The following NELL1 variants were observed in gnomAD, a reference collection of about 807,000 sequenced individuals.
The protein encoded by NELL1 is neural EGFL like 1, also known as protein kinase C-binding protein NELL1.
NELL1 carries 76 observed loss-of-function variants against 107.4 expected under a neutral mutation model. That is an observed-to-expected ratio of 0.71 (90% CI 0.59 to 0.86). NELL1 has a LOEUF of 0.86. Among genes scored for constraint, NELL1 ranks in the 40% least tolerant of loss-of-function variants. The pLI is 0.00. For missense variants in NELL1, 1,024 were observed against 1,005.5 expected (o/e 1.02, Z -0.25); for synonymous variants, 353 against 341.2 (o/e 1.03, Z -0.38).
chr11:20,691,010 G>T (rs915673017), intron 2 of NELL1, among the ~76,000 whole-genome samples: 1 of 152,022 alleles, frequency 6.6e-6, no homozygotes, highest in African/African-American at 2.4e-5. Context: ...TCCCTTTTAA[G>T]TTGGATTCCT....
intron 12 of NELL1, among the ~76,000 whole-genome samples, chr11:21,112,121 G>C (rs1357073472): frequency 6.6e-6 from 1 of 151,990 alleles, no homozygotes; most frequent in African/African-American, 2.4e-5. Flanking sequence ...TGGCCTGCAG[G>C]AAGTTGATTG....
chr11:20,681,731 T>G (rs1007396223), intron 2 of NELL1, among the ~76,000 whole-genome samples: 1 of 152,038 alleles, frequency 6.6e-6, no homozygotes, highest in Non-Finnish European at 1.5e-5. Flanking sequence ...AAAAAGAGAT[T>G]TATGGGGCTA....
At chr11:21,391,558 T>C (rs1057463575) in intron 15 of NELL1, among the ~76,000 whole-genome samples, 3 of 151,802 alleles carry the variant, frequency 2.0e-5, no homozygotes, top group African/African-American at 7.2e-5. Context: ...ATTTTTTTCT[T>C]TTTGTGGGGT....
intron 14 of NELL1, among the ~76,000 whole-genome samples, chr11:21,246,848 C>A (rs1858505609): frequency 6.6e-6 from 1 of 152,070 alleles, no homozygotes; most frequent in South Asian, 2.1e-4. Flanking sequence ...GGTGGCAAGC[C>A]AGAGAGGAGA....
intron 12 of NELL1, among the ~76,000 whole-genome samples, chr11:21,044,729 A>G (rs1436411360): frequency 6.6e-6 from 1 of 152,152 alleles, no homozygotes; most frequent in Non-Finnish European, 1.5e-5. Context: ...GGATGCAGGT[A>G]GGAGTGTTGA....
At chr11:20,799,507 C>CT (rs1857239534) in intron 3 of NELL1, among the ~76,000 whole-genome samples, 1 of 152,284 alleles carries the variant, frequency 6.6e-6, no homozygotes, top group African/African-American at 2.4e-5. Context: ...AATGCACACA[C>CT]TTTTTTTCTA....
chr11:21,525,383 C>T (rs186796268), intron 15 of NELL1, among the ~76,000 whole-genome samples: 203 of 152,258 alleles, frequency 1.3e-3, no homozygotes, highest in Non-Finnish European at 2.4e-3. Flanking sequence ...GTTGACTTTG[C>T]GGAGATTGTT....
At chr11:21,253,834 G>A (rs995164745) in intron 14 of NELL1, among the ~76,000 whole-genome samples, 1 of 152,104 alleles carries the variant, frequency 6.6e-6, no homozygotes, top group Non-Finnish European at 1.5e-5. Context: ...TTATAATTTT[G>A]TGAGGGCTAT....
intron 11 of NELL1, among the ~76,000 whole-genome samples, chr11:20,950,916 A>G (rs1242865223): frequency 2.6e-5 from 4 of 152,224 alleles, no homozygotes; most frequent in African/African-American, 9.6e-5. Context: ...AGGCCTTTCA[A>G]TTAGCATATT....
rs552934674 is a variant in NELL1, at chr11:21,162,033, C to T, written c.1426+48319C>T. On this transcript the variant is annotated intron_variant, in intron 13 of 19. Transcript: ENST00000357134. ...TGGTGCAATCTCAGCTCACTTCACC[C>T]TCCACCTCCCAGGTTCAAGTGATTT... Among the ~76,000 whole-genome samples the T allele has an allele frequency of 2.1e-5, 3 of 145,914 alleles. No homozygotes were observed. In the East Asian group the frequency reaches 6.0e-4, roughly 29 times the overall value.
intron 2 of NELL1, among the ~76,000 whole-genome samples, chr11:20,697,756 T>C (rs1271833070): frequency 6.6e-6 from 1 of 152,144 alleles, no homozygotes; most frequent in Non-Finnish European, 1.5e-5. Flanking sequence ...AGAAATTTCT[T>C]ACTGGATGAC....
chr11:21,474,300 T>C (rs1208238102), intron 15 of NELL1, among the ~76,000 whole-genome samples: 2 of 152,044 alleles, frequency 1.3e-5, no homozygotes, highest in African/African-American at 2.4e-5. Context: ...TCTCTTTTAA[T>C]AGAGTCTTCA....
intron 14 of NELL1, among the ~76,000 whole-genome samples, chr11:21,273,223 T>G (rs1196585900): frequency 2.0e-5 from 3 of 152,106 alleles, no homozygotes; most frequent in African/African-American, 7.2e-5. Flanking sequence ...CTGATGGAGC[T>G]GAAAACCAAG....
At chr11:21,316,697 G>T (rs7933906) in intron 14 of NELL1, among the ~76,000 whole-genome samples, 1 of 152,150 alleles carries the variant, frequency 6.6e-6, no homozygotes, top group African/African-American at 2.4e-5. Flanking sequence ...TGGGTCAGAT[G>T]TAAGTGGGGA....
chr11:20,978,444 G>GCACA (rs1255983777), intron 12 of NELL1, among the ~76,000 whole-genome samples: 1 of 150,112 alleles, frequency 6.7e-6, no homozygotes, highest in Non-Finnish European at 1.5e-5. Context: ...GAAAAAAAAA[G>GCACA]CACACACACA....
chr11:20,693,227 T>G (rs1321917534), intron 2 of NELL1, among the ~76,000 whole-genome samples: 2 of 152,124 alleles, frequency 1.3e-5, no homozygotes, highest in African/African-American at 4.8e-5. Flanking sequence ...TGATGGGTCT[T>G]GACTCTTTAT....
intron 15 of NELL1, among the ~76,000 whole-genome samples, chr11:21,435,581 G>C (rs956869867): frequency 6.7e-6 from 1 of 148,766 alleles, no homozygotes; most frequent in Non-Finnish European, 1.5e-5. Flanking sequence ...TATGATTTTT[G>C]TTCTTCATTC....
intron 15 of NELL1, among the ~76,000 whole-genome samples, chr11:21,389,837 G>A (rs949527420): frequency 6.6e-6 from 1 of 151,724 alleles, no homozygotes; most frequent in Admixed American, 6.6e-5. Flanking sequence ...GGACATATGG[G>A]TTGTTTCCAG....
intron 15 of NELL1, among the ~76,000 whole-genome samples, chr11:21,462,003 A>G (rs1185606165): frequency 1.3e-5 from 2 of 152,082 alleles, no homozygotes; most frequent in Non-Finnish European, 2.9e-5. Context: ...AAACTGGGAG[A>G]AGTCTGAAGC....
Sources: gnomAD v4.1 joint callset for allele counts (sites outside exome capture counted in the v4.1 genomes callset) on GRCh38, gnomAD v4.1.1 for gene constraint, MANE v1.5 for transcripts, NCBI Gene and HGNC (gene_info 2026-07-23, HGNC 2026-07-21) for gene names.